The following TRPM6 variants were observed in gnomAD, a reference collection of about 807,000 sequenced individuals.
TRPM6 encodes the protein transient receptor potential cation channel subfamily M member 6.
TRPM6 carries 111 observed loss-of-function variants against 247.6 expected under a neutral mutation model. The observed-to-expected ratio is 0.45, with a 90% CI of 0.38 to 0.52. TRPM6 has a LOEUF of 0.52. Ranked by LOEUF, TRPM6 falls within the 20% of genes least tolerant of loss-of-function variation. The probability of loss-of-function intolerance (pLI) is 0.00; values close to 1 mark genes in which losing one functional copy is unlikely to be tolerated. For missense variants in TRPM6, 2,126 were observed against 2,421.5 expected, an observed-to-expected ratio of 0.88 and a Z score of 2.56; for synonymous variants, 892 against 853.8, an observed-to-expected ratio of 1.04 and a Z score of -0.78.
intron 3 of TRPM6, among the ~76,000 whole-genome samples, chr9:74,853,444 G>A (rs375491720): frequency 2.6e-5 from 4 of 152,238 alleles, no homozygotes; most frequent in Non-Finnish European, 5.9e-5. Context: ...AAAAGGAAGA[G>A]AAATCAGATT....
chr9:74,744,851 A>G (rs1170381949), intron 31 of TRPM6, among the ~76,000 whole-genome samples: 1 of 152,246 alleles, frequency 6.6e-6, no homozygotes, highest in Non-Finnish European at 1.5e-5. Flanking sequence ...AGTAAGCAGC[A>G]TAATGAGCCC....
In TRPM6 at chr9:74,740,689, T is replaced by C. The variant is rs555554969; in HGVS notation, c.5201-680A>G. The stretch of plus-strand genomic sequence containing the variant: ...ACTCTGACCTGTCACATGAGGTCAG[T>C]TGTGGGAGTTTTCCACTTGTGGCAT... On this transcript the variant is annotated intron_variant, in intron 33 of 38. Coordinates refer to ENST00000360774, the MANE Select transcript of TRPM6 (RefSeq NM_017662.5). Among the ~76,000 whole-genome samples the C allele has an allele frequency of 3.9e-5, 6 of 152,298 alleles. No homozygotes were observed. The South Asian group carries it at 1.2e-3, about 32-fold the overall frequency.
At chr9:74,791,371 C>T (rs1388221591) in intron 19 of TRPM6, among the ~76,000 whole-genome samples, 1 of 152,088 alleles carries the variant, frequency 6.6e-6, no homozygotes, top group Non-Finnish European at 1.5e-5. Flanking sequence ...TTTACAGTCA[C>T]ACTTCAAATG....
intron 25 of TRPM6, among the ~76,000 whole-genome samples, chr9:74,766,638 C>T (rs980204584): frequency 6.6e-6 from 1 of 151,986 alleles, no homozygotes; most frequent in East Asian, 1.9e-4. Context: ...CAGCCGGGCA[C>T]AGTGGCTCAT....
chr9:74,779,636 C>G (rs1827347069), intron 23 of TRPM6, among the ~76,000 whole-genome samples: 1 of 152,158 alleles, frequency 6.6e-6, no homozygotes, highest in South Asian at 2.1e-4. Flanking sequence ...CCCATTACTT[C>G]ACTTGGTTTC....
intron 38 of TRPM6, among the ~76,000 whole-genome samples, chr9:74,726,371 G>T (rs563185889): frequency 1.3e-5 from 2 of 152,072 alleles, no homozygotes; most frequent in East Asian, 1.9e-4. Flanking sequence ...TTAGCTGGGC[G>T]TGGTGGCGGG....
intron 37 of TRPM6, among the ~76,000 whole-genome samples, chr9:74,730,339 A>G (rs961754212): frequency 6.6e-6 from 1 of 152,218 alleles, no homozygotes; most frequent in Non-Finnish European, 1.5e-5. Context: ...AAGGTTAGGG[A>G]AAGTTAAGAG....
In TRPM6 at chr9:74,887,424, G is replaced by T. The variant is rs529456529; in HGVS notation, c.33+400C>A. ...CTCAAAACGCGCCTTCTCTCCTCCG[G>T]ATTCTCAGCTCAAGCCACCTCCGAA... is the stretch of plus-strand genomic sequence containing the variant. On this transcript the variant is annotated intron_variant, in intron 1 of 38. Transcript: ENST00000360774. 6.5e-4 allele frequency: 786 copies of T among 1,204,658 alleles called. 11 individuals carry two copies. The South Asian group carries it at 0.012, about 18-fold the overall frequency. 74.6% of individuals were successfully genotyped at this position (1,204,658 alleles called of 1,614,324 possible).
intron 36 of TRPM6, among the ~76,000 whole-genome samples, chr9:74,735,359 C>T (rs2118715637): frequency 6.6e-6 from 1 of 152,212 alleles, no homozygotes; most frequent in South Asian, 2.1e-4. Context: ...AGGTAATATG[C>T]AGCAACCCTT....
intron 6 of TRPM6, among the ~76,000 whole-genome samples, chr9:74,830,749 GTTTTTTTTTT>G (rs71368685): frequency 2.3e-5 from 2 of 87,262 alleles, no homozygotes; most frequent in Non-Finnish European, 4.0e-5. Context: ...GCTAATTTTT[GTTTTTTTTTT>G]TTTTTTTTTT....
chr9:74,768,116 T>C (rs975709378), intron 25 of TRPM6, among the ~76,000 whole-genome samples: 2 of 152,206 alleles, frequency 1.3e-5, no homozygotes, highest in Non-Finnish European at 2.9e-5. Flanking sequence ...GATTTTATCA[T>C]TGAATTGTTT....
intron 25 of TRPM6, among the ~76,000 whole-genome samples, chr9:74,764,169 T>C (rs1826750372): frequency 6.6e-6 from 1 of 151,702 alleles, no homozygotes; most frequent in Non-Finnish European, 1.5e-5. Flanking sequence ...GAGAGATGGC[T>C]ACTATTTGTC....
chr9:74,830,749 G>GTTT (rs71368685), intron 6 of TRPM6, among the ~76,000 whole-genome samples: 16 of 87,278 alleles, frequency 1.8e-4, no homozygotes, highest in Admixed American at 4.9e-4. Flanking sequence ...GCTAATTTTT[G>GTTT]TTTTTTTTTT....
chr9:74,853,023 C>A (rs867152721), intron 3 of TRPM6, among the ~76,000 whole-genome samples: 2 of 150,488 alleles, frequency 1.3e-5, no homozygotes, highest in African/African-American at 2.4e-5. Context: ...TCTGCCCGGC[C>A]CCCCGTCGTC....
chr9:74,782,973 A>G, intron 21 of TRPM6, 120 bp from the exon 22 acceptor site: 1 of 964,208 alleles, frequency 1.0e-6, no homozygotes, highest in South Asian at 1.4e-5. Flanking sequence ...TCATTGACTA[A>G]AACACCCTTG....
Position 74,840,201 on chromosome 9 carries a change from G to T in TRPM6, c.367C>A (p.Leu123Met). The change falls in exon 5 of 39, where the codon CTG becomes ATG. Residue 123 changes from leucine (L) to methionine (M), a missense_variant. Physicochemically the swap from Leu to Met is conservative, Grantham distance 15 (BLOSUM62 2). Around this residue, in one of 3 missense-constraint regions of TRPM6, gnomAD observed 1,082 missense variants for 1,307.9 expected, o/e 0.83. Coordinates refer to ENST00000360774, the MANE Select transcript of TRPM6 (RefSeq NM_017662.5). ...RTSYDTKLDH[L>M]LHLMLKEWKM... ...CACTCTTTCAACATTAAATGTAACAGATGATCCAGTTTTGTATCATAAGAA... is the reference window on the plus strand; with the variant it reads ...CACTCTTTCAACATTAAATGTAACATATGATCCAGTTTTGTATCATAAGAA... 6.2e-7 allele frequency: 1 copy of T among 1,614,014 alleles called. No individual in the cohort carries two copies. The highest frequency in any genetic ancestry group is 8.5e-7 in the Non-Finnish European group (1 of 1,179,892).
intron 23 of TRPM6, among the ~76,000 whole-genome samples, chr9:74,777,658 G>A (rs1827270324): frequency 6.6e-6 from 1 of 152,152 alleles, no homozygotes; most frequent in East Asian, 1.9e-4. Context: ...GGTAGAAACA[G>A]GCCAAGAGTC....
intron 7 of TRPM6, among the ~76,000 whole-genome samples, chr9:74,823,245 G>A (rs1829194542): frequency 6.6e-6 from 1 of 152,112 alleles, no homozygotes; most frequent in South Asian, 2.1e-4. Context: ...CAGGGTCAAG[G>A]GTCAAGGGAA....
chr9:74,728,313 A>T lies in TRPM6; in HGVS notation c.5861T>A (p.Leu1954Ter), dbSNP rs1825402150. The change falls in exon 38 of 39, where the codon TTG becomes TAG. Residue 1954 changes from leucine to a stop codon, truncating the protein, a stop_gained. Transcript: ENST00000360774. LOFTEE classifies it high-confidence loss of function. ...GAAGTTTCTAATTGCATCTTCCCCC[A>T]AATTGGCCGGTCCAAACACCATTCC... Reference protein sequence around the residue: ...SRGMVFGPANLGEDAIRNFIA... With the variant: ...SRGMVFGPAN The T allele has an allele frequency of 6.2e-7, 1 of 1,613,936 alleles. No homozygotes were observed. The highest frequency in any genetic ancestry group is 1.7e-5 in the Admixed American group (1 of 59,994).
Sources: gnomAD v4.1 joint callset for allele counts (sites outside exome capture counted in the v4.1 genomes callset) on GRCh38, gnomAD v4.1.1 for gene constraint, gnomAD v4.1.1 regional missense constraint, MANE v1.5 for transcripts, NCBI Gene and HGNC (gene_info 2026-07-23, HGNC 2026-07-21) for gene names.